The following DBF4B variants were observed in gnomAD, a reference collection of about 807,000 sequenced individuals.
DBF4B encodes DBF4B-CDC7 kinase regulatory subunit.
In DBF4B, 49 loss-of-function variants were observed where a neutral mutation model predicts 53.4. The observed-to-expected ratio is 0.92, with a 90% CI of 0.73 to 1.16. The LOEUF (loss-of-function observed/expected upper bound fraction) is 1.16, where lower values mean the gene tolerates loss of function less well. Among genes scored for constraint, DBF4B ranks in the 50% most tolerant of loss-of-function variants. The pLI is 0.00. For missense variants in DBF4B, 692 were observed against 775.0 expected, an observed-to-expected ratio of 0.89 and a Z score of 1.27; for synonymous variants, 257 against 288.7, an observed-to-expected ratio of 0.89 and a Z score of 1.11.
At chr17:44,711,355 G>A (rs1388604899) in intron 2 of DBF4B, among the ~76,000 whole-genome samples, 2 of 151,960 alleles carry the variant, frequency 1.3e-5, no homozygotes, top group Non-Finnish European at 2.9e-5. Context: ...CTGTTACCCA[G>A]GCTAGAGTAC....
rs1000081163 is a variant in DBF4B at position 44,708,737 on chromosome 17, T to G, written c.-84T>G. The stretch of plus-strand genomic sequence containing the variant: ...CCCTGAGATAACCAGGACTGTGGAA[T>G]CGGGAAGAGCTCATGGAGCTCGCGA... On this transcript the variant is annotated 5_prime_UTR_variant, in exon 1 of 14. Transcript: ENST00000315005. 6.7e-7 allele frequency: 1 copy of G among 1,493,286 alleles called. No homozygotes were observed. 92.5% of individuals were successfully genotyped at this position (1,493,286 alleles called of 1,614,324 possible).
intron 2 of DBF4B, among the ~76,000 whole-genome samples, chr17:44,710,155 C>T (rs1972734753): frequency 6.6e-6 from 1 of 151,656 alleles, no homozygotes; most frequent in African/African-American, 2.4e-5. Context: ...CCTGGGCGAC[C>T]GAGCGAGACT....
Position 44,750,652 on chromosome 17 carries a change from T to C in DBF4B, c.1247T>C (p.Met416Thr). 6.2e-7 allele frequency: 1 copy of C among 1,613,992 alleles called. No homozygotes were observed. Among genetic ancestry groups the C allele is most frequent in the African/African-American group, 1.3e-5 (1 of 75,044 alleles). ...QRWTESLDGVMGPPASHTCVS... is the reference protein window; with the variant it reads ...QRWTESLDGVTGPPASHTCVS... ...TGGACAGAATCACTAGATGGTGTGA[T>C]GGGACCTCCTGCAAGTCACACATGT... Residue 416 changes from methionine to threonine, a missense_variant, in exon 14 of 14, where the codon ATG (methionine) becomes ACG (threonine). By Grantham distance (81) the Met-to-Thr change is moderately conservative. Around this residue, in one of 3 missense-constraint regions of DBF4B, gnomAD observed 597 missense variants for 665.8 expected, o/e 0.90. Transcript: ENST00000315005.
At chr17:44,741,113 C>T (rs890248014) in intron 9 of DBF4B, among the ~76,000 whole-genome samples, 4 of 149,870 alleles carry the variant, frequency 2.7e-5, no homozygotes, top group East Asian at 2.0e-4. Context: ...CCAGCCTGGG[C>T]GACAGCGAGA....
rs529259081 is a variant in DBF4B at position 44,750,242 on chromosome 17, C to A, written c.1190-353C>A. On this transcript the variant is annotated intron_variant, in intron 13 of 13. Transcript: ENST00000315005. ...GACAGAAATGGGTTTGCTATCGATT[C>A]TCTGGCCACTTTTTCTTTCATTACA... The A allele has an allele frequency of 7.7e-6, 8 of 1,035,924 alleles. No individual in the cohort carries two copies. The Admixed American group carries it at 4.3e-4, about 56-fold the overall frequency. The allele number at this position is 1,035,924 out of a possible 1,614,324, so 64.2% of individuals were successfully genotyped here.
At chr17:44,732,865 CAAA>C (rs750138148) in intron 6 of DBF4B, 5 of 127,936 alleles carry the variant, frequency 3.9e-5, no homozygotes, top group Non-Finnish European at 6.6e-5. Context: ...GACTCCGTCT[CAAA>C]AAAAAAAAAA....
At position 44,732,948 on chromosome 17, in the gene DBF4B, G is replaced by A. The variant is rs558855922; in HGVS notation, c.556+683G>A. On this transcript the variant is annotated intron_variant, in intron 6 of 13. Transcript: ENST00000315005. The stretch of plus-strand genomic sequence containing the variant: ...TGGGAGGCCGAGGCAGGCAGATCAC[G>A]AGGTCAGGATATCGAGACCATCCTG... 3.3e-5 allele frequency: 5 copies of A among 151,842 alleles called. No homozygotes were observed. In the South Asian group the frequency reaches 6.2e-4, roughly 19 times the overall value. 9.4% of individuals were successfully genotyped at this position (151,842 alleles called of 1,614,324 possible).
chr17:44,738,234 C>T (rs1378078323), intron 8 of DBF4B, 145 bp from the exon 9 acceptor site: 54 of 808,580 alleles, frequency 6.7e-5, no homozygotes, highest in Non-Finnish European at 9.2e-5. Flanking sequence ...GAATGGAGAG[C>T]GCAGCCTGGG....
intron 10 of DBF4B, 23 bp from the exon 11 acceptor site, chr17:44,747,060 G>C (rs1201847893): frequency 1.9e-6 from 3 of 1,609,464 alleles, no homozygotes; most frequent in Non-Finnish European, 2.6e-6. Flanking sequence ...TAACCACTTT[G>C]CCGCACTATG....
At chr17:44,729,834 T>C in intron 3 of DBF4B, 71 bp from the exon 4 acceptor site, 1 of 1,536,880 alleles carries the variant, frequency 6.5e-7, no homozygotes, top group Admixed American at 1.9e-5. Flanking sequence ...GATTTCCTTC[T>C]CCAGCCTCTT....
In DBF4B at chr17:44,751,824, C is replaced by T; in HGVS notation, c.*571C>T. ...GGTGACCAAAGTTGGTTCCTTTTCT[C>T]CTTTCTTTCCTCCTTGAAGCCTGGC... is the stretch of plus-strand genomic sequence containing the variant. On this transcript the variant is annotated 3_prime_UTR_variant, in exon 14 of 14. Coordinates refer to ENST00000315005, the MANE Select transcript of DBF4B (RefSeq NM_145663.3). The T allele has an allele frequency of 6.5e-7, 1 of 1,533,008 alleles. No homozygotes were observed. Among genetic ancestry groups the T allele is most frequent in the South Asian group, 1.2e-5 (1 of 83,766 alleles). 95.0% of individuals were successfully genotyped at this position (1,533,008 alleles called of 1,614,324 possible). A position where few individuals can be genotyped will look rare whatever the true frequency, so the allele number is the denominator to read the frequency against.
At chr17:44,750,103 G>C in intron 13 of DBF4B, 1 of 995,930 alleles carries the variant, frequency 1.0e-6, no homozygotes. Context: ...AAGTTCGGCT[G>C]TTCCGGGGCC....
At chr17:44,723,116 T>C in intron 3 of DBF4B, 94 bp downstream of exon 3, 1 of 1,506,392 alleles carries the variant, frequency 6.6e-7, no homozygotes, top group South Asian at 1.3e-5. Flanking sequence ...TCCAAGTATT[T>C]TCTTTTTTGA....
At chr17:44,727,098 CAAAAAAAAA>C (rs60326279) in intron 3 of DBF4B, among the ~76,000 whole-genome samples, 2 of 49,502 alleles carry the variant, frequency 4.0e-5, no homozygotes, top group Non-Finnish European at 7.2e-5. Flanking sequence ...GACTCCATCT[CAAAAAAAAA>C]AAAAAAAAAA....
chr17:44,730,908 T>A, intron 4 of DBF4B, 57 bp from the exon 5 acceptor site: 1 of 1,585,982 alleles, frequency 6.3e-7, no homozygotes, highest in East Asian at 2.2e-5. Context: ...TGTGTAAACA[T>A]CTTTCAGTGC....
chr17:44,751,803 AC>A lies in DBF4B; in HGVS notation c.*552del. The A allele has an allele frequency of 6.6e-7, 1 of 1,526,494 alleles. No homozygotes were observed. Among genetic ancestry groups the A allele is most frequent in the Non-Finnish European group, 8.8e-7 (1 of 1,141,428 alleles). The allele number at this position is 1,526,494 out of a possible 1,614,324, so 94.6% of individuals were successfully genotyped here. A position where few individuals can be genotyped will look rare whatever the true frequency, so the allele number is the denominator to read the frequency against. ...CAAGGTCATGGACAGGCTACTGGTG[AC>A]CAAAGTTGGTTCCTTTTCTCCTTTC... On this transcript the variant is annotated 3_prime_UTR_variant, in exon 14 of 14. Coordinates refer to ENST00000315005, the MANE Select transcript of DBF4B (RefSeq NM_145663.3).
At chr17:44,721,223 CCCT>C (rs1973814858) in intron 2 of DBF4B, among the ~76,000 whole-genome samples, 1 of 129,224 alleles carries the variant, frequency 7.7e-6, no homozygotes, top group Non-Finnish European at 1.6e-5. Context: ...TCTTCCCCCC[CCCT>C]CCCCTTTTTT....
chr17:44,729,583 T>C (rs1168241941), intron 3 of DBF4B, among the ~76,000 whole-genome samples: 1 of 152,038 alleles, frequency 6.6e-6, no homozygotes, highest in Non-Finnish European at 1.5e-5. Flanking sequence ...AGTGTGTTCT[T>C]GCTGCATGCA....
At chr17:44,734,038 A>G (rs368468615) in intron 6 of DBF4B, 52 bp from the exon 7 acceptor site, 21 of 1,478,248 alleles carry the variant, frequency 1.4e-5, no homozygotes, top group Non-Finnish European at 1.9e-5. Context: ...GGGCTGTGCT[A>G]GGTAAGTGAA....
Sources: gnomAD v4.1 joint callset for allele counts (sites outside exome capture counted in the v4.1 genomes callset) on GRCh38, gnomAD v4.1.1 for gene constraint, gnomAD v4.1.1 regional missense constraint, MANE v1.5 for transcripts, NCBI Gene and HGNC (gene_info 2026-07-23, HGNC 2026-07-21) for gene names.